ZSCAN20: variants seen among roughly 807,000 people sequenced by gnomAD.
The protein encoded by ZSCAN20 is zinc finger and SCAN domain-containing protein 20.
Under a neutral mutation model 97.1 loss-of-function variants are expected in ZSCAN20, and 39 were observed. The observed-to-expected ratio is 0.40, with a 90% CI of 0.31 to 0.52. ZSCAN20 has a LOEUF of 0.52. ZSCAN20 is among the 20% of genes least tolerant of loss of function. The pLI is 0.49. For missense variants in ZSCAN20, 1,115 were observed against 1,290.4 expected (o/e 0.86, Z 2.08); for synonymous variants, 456 against 467.3 (o/e 0.98, Z 0.31).
rs1317245783 is a variant in ZSCAN20 at position 33,491,767 on chromosome 1, C to T, written c.1444+65C>T. On this transcript the variant is annotated intron_variant, in intron 6 of 7. Transcript: ENST00000684572. This position sits in a 1 kb window ranked among gnomAD's most constrained non-coding sequence, Gnocchi z 4.3. Reference sequence around the variant, plus strand: ...CCTCCTACCAGCTAGACTGCTATTCCCTGAGGTCAGGGCACAGGCTGCAAG... The same window carrying T: ...CCTCCTACCAGCTAGACTGCTATTCTCTGAGGTCAGGGCACAGGCTGCAAG... 3 of 1,486,820 alleles carry T rather than the reference C, an allele frequency of 2.0e-6. No individual in the cohort carries two copies. In the South Asian group the frequency reaches 4.1e-5, roughly 20 times the overall value. The allele number at this position is 1,486,820 out of a possible 1,614,324, so 92.1% of individuals were successfully genotyped here.
intron 2 of ZSCAN20, among the ~76,000 whole-genome samples, chr1:33,481,896 G>T (rs761644629): frequency 2.6e-5 from 4 of 152,100 alleles, no homozygotes; most frequent in Non-Finnish European, 5.9e-5. Flanking sequence ...ATTTTTTAGA[G>T]CAATTTTAGG....
chr1:33,489,568 C>G lies in ZSCAN20; in HGVS notation c.732C>G (p.Pro244=). ...CTGAGAAGGAGCTCTGTAAAGACCC[C>G]CCAGGAGACGACTGTGGGAACAGCG... ...KHAEKELCKD[P]PGDDCGNSVC... The change falls in exon 5 of 8, where the codon CCC becomes CCG. Residue 244 remains proline (P), a synonymous_variant. Coordinates refer to ENST00000684572, the MANE Select transcript of ZSCAN20 (RefSeq NM_001377376.1). 3 of 1,614,102 alleles carry G rather than the reference C, an allele frequency of 1.9e-6. No individual in the cohort carries two copies. Among genetic ancestry groups the G allele is most frequent in the Non-Finnish European group, 2.5e-6 (3 of 1,180,002 alleles).
rs1021488669 is a variant in ZSCAN20 at position 33,492,207 on chromosome 1, A to G, written c.1444+505A>G. 3 of 152,666 alleles carry G rather than the reference A, an allele frequency of 2.0e-5. No homozygotes were observed. The East Asian group carries it at 5.8e-4, about 29-fold the overall frequency. 9.5% of individuals were successfully genotyped at this position (152,666 alleles called of 1,614,324 possible). Reference sequence around the variant, plus strand: ...TGTAAAGGTGCAAACATGGAAGTCCATGAGATGAGGCGTCTTATAGACGCA... The same window carrying G: ...TGTAAAGGTGCAAACATGGAAGTCCGTGAGATGAGGCGTCTTATAGACGCA... On this transcript the variant is annotated intron_variant, in intron 6 of 7. Transcript: ENST00000684572.
At position 33,491,211 on chromosome 1, in the gene ZSCAN20, A is replaced by T. The variant is rs376218300; in HGVS notation, c.953A>T (p.Asp318Val). The change falls in exon 6 of 8, where the codon GAC becomes GTC. Residue 318 changes from aspartate (D) to valine (V), a missense_variant. By Grantham distance (152) the Asp-to-Val change is radical. Coordinates refer to ENST00000684572, the MANE Select transcript of ZSCAN20 (RefSeq NM_001377376.1). The surrounding 1 kb of genome is among the most constrained non-coding windows in gnomAD (Gnocchi z 4.3). ...GAACAATACCAGTGGGATGTGGAGGACATGAAGGTGTCAGGTGTTCACTGG... is the reference window on the plus strand; with the variant it reads ...GAACAATACCAGTGGGATGTGGAGGTCATGAAGGTGTCAGGTGTTCACTGG... ...WEEQYQWDVEDMKVSGVHWGY... is the reference protein window; with the variant it reads ...WEEQYQWDVEVMKVSGVHWGY... The T allele has an allele frequency of 8.7e-6, 14 of 1,614,040 alleles. No homozygotes were observed. The highest frequency in any genetic ancestry group is 1.2e-5 in the Non-Finnish European group (14 of 1,180,038).
rs1282721704 is a variant in ZSCAN20 at position 33,488,450 on chromosome 1, A to T, written c.418-15A>T. On this transcript the variant is annotated splice_polypyrimidine_tract_variant and intron_variant, in intron 2 of 7. Coordinates refer to ENST00000684572, the MANE Select transcript of ZSCAN20 (RefSeq NM_001377376.1). ...ACTGAATTGTTGATTGGGAATTTTG[A>T]CTATTTGTGTGTAGGGACTGGAATT... 1.2e-6 allele frequency: 2 copies of T among 1,607,562 alleles called. No individual in the cohort carries two copies. The highest frequency in any genetic ancestry group is 8.5e-7 in the Non-Finnish European group (1 of 1,178,022).
intron 2 of ZSCAN20, among the ~76,000 whole-genome samples, chr1:33,487,764 T>G (rs1252742288): frequency 6.6e-6 from 1 of 152,176 alleles, no homozygotes; most frequent in East Asian, 1.9e-4. Context: ...TGCCTCAGCC[T>G]CTTGAGTAGC....
rs1652703525 is a variant in ZSCAN20, at chr1:33,493,427, A to G, written c.1685A>G (p.Tyr562Cys). The G allele has an allele frequency of 1.9e-6, 3 of 1,614,190 alleles. No homozygotes were observed. Among genetic ancestry groups the G allele is most frequent in the African/African-American group, 2.7e-5 (2 of 75,052 alleles). The change falls in exon 7 of 8, where the codon TAT becomes TGT. Residue 562 changes from tyrosine to cysteine, a missense_variant. By Grantham distance (194) the Tyr-to-Cys change is radical. Coordinates refer to ENST00000684572, the MANE Select transcript of ZSCAN20 (RefSeq NM_001377376.1). This position sits in a 1 kb window ranked among gnomAD's most constrained non-coding sequence, Gnocchi z 4.3. The stretch of plus-strand genomic sequence containing the variant: ...CACCCACCAGGGACATGCCCTTTCT[A>G]TGAGGAACTGGACTCGCTGATGAGG... ...SSHPPGTCPFYEELDSLMRAR... is the reference protein window; with the variant it reads ...SSHPPGTCPFCEELDSLMRAR...
chr1:33,489,364 T>C lies in ZSCAN20; in HGVS notation c.682-154T>C, dbSNP rs537087596. ...TGGGCCCCAAACATCCCCAAACACA[T>C]GTATGTACCAAATGGCCATCCTGCT... On this transcript the variant is annotated intron_variant, in intron 4 of 7. Coordinates refer to ENST00000684572, the MANE Select transcript of ZSCAN20 (RefSeq NM_001377376.1). 41 of 977,646 alleles carry C rather than the reference T, an allele frequency of 4.2e-5. No individual in the cohort carries two copies. In the African/African-American group the frequency reaches 6.1e-4, roughly 15 times the overall value. The allele number at this position is 977,646 out of a possible 1,614,324, so 60.6% of individuals were successfully genotyped here. A position where few individuals can be genotyped will look rare whatever the true frequency, so the allele number is the denominator to read the frequency against.
rs767524229 is a variant in ZSCAN20 at position 33,491,562 on chromosome 1, C to G, written c.1304C>G (p.Ala435Gly). The G allele has an allele frequency of 2.5e-6, 4 of 1,614,056 alleles. No individual in the cohort carries two copies. The South Asian group carries it at 4.4e-5, about 18-fold the overall frequency. Residue 435 changes from alanine to glycine, a missense_variant, in exon 6 of 8, where the codon GCA (alanine) becomes GGA (glycine). Physicochemically the swap from Ala to Gly is moderately conservative, Grantham distance 60. This residue lies in a region of ZSCAN20 where 508 missense variants were observed against 611.2 expected (regional missense o/e 0.83). Transcript: ENST00000684572. This position sits in a 1 kb window ranked among gnomAD's most constrained non-coding sequence, Gnocchi z 4.3. ...CTTCCCAGGCTCGGGTATAGTGACG[C>G]AGAGATGGATGAGCAGGAGGAAGGG... ...VALPRLGYSD[A>G]EMDEQEEGGW...
intron 2 of ZSCAN20, among the ~76,000 whole-genome samples, chr1:33,480,163 T>G (rs367999553): frequency 1.3e-5 from 2 of 152,338 alleles, no homozygotes; most frequent in East Asian, 1.9e-4. Context: ...ATAGCAGTAA[T>G]GTAGGTAGAC....
rs919349960 is a variant in ZSCAN20 at position 33,493,038 on chromosome 1, C to T, written c.1445-149C>T. 2.5e-6 allele frequency: 2 copies of T among 803,614 alleles called. No individual in the cohort carries two copies. The highest frequency in any genetic ancestry group is 1.7e-5 in the African/African-American group (1 of 57,928). 49.8% of individuals were successfully genotyped at this position (803,614 alleles called of 1,614,324 possible). A position where few individuals can be genotyped will look rare whatever the true frequency, so the allele number is the denominator to read the frequency against. On this transcript the variant is annotated intron_variant, in intron 6 of 7. Coordinates refer to ENST00000684572, the MANE Select transcript of ZSCAN20 (RefSeq NM_001377376.1). The surrounding 1 kb of genome is among the most constrained non-coding windows in gnomAD (Gnocchi z 4.3). ...TCTGGCTGGCTGTCCTAGCATGCCC[C>T]TGAGAAGCAAAGGGATATTCTCCAG...
Position 33,488,663 on chromosome 1 carries a change from T to C in ZSCAN20, c.604+12T>C, listed in dbSNP as rs1652467251. ...TTTGAAAGAGAGTGGTGAGTACATC[T>C]GAGAACATTAGGGAATGAGGCCTTC... On this transcript the variant is annotated intron_variant, in intron 3 of 7. Coordinates refer to ENST00000684572, the MANE Select transcript of ZSCAN20 (RefSeq NM_001377376.1). The C allele has an allele frequency of 6.2e-7, 1 of 1,604,918 alleles. No individual in the cohort carries two copies.
At chr1:33,484,927 G>C (rs1241962209) in intron 2 of ZSCAN20, among the ~76,000 whole-genome samples, 1 of 152,026 alleles carries the variant, frequency 6.6e-6, no homozygotes. Context: ...GCTGATTTTT[G>C]CATCTTTGTT....
intron 2 of ZSCAN20, among the ~76,000 whole-genome samples, chr1:33,483,128 A>G (rs1352342114): frequency 1.3e-5 from 2 of 152,166 alleles, no homozygotes; most frequent in Non-Finnish European, 2.9e-5. Context: ...GTATCTGAAA[A>G]GTCATTGCTA....
intron 2 of ZSCAN20, among the ~76,000 whole-genome samples, chr1:33,484,642 G>A (rs143669067): frequency 0.015 from 2,164 of 147,192 alleles, 29 homozygotes; most frequent in Middle Eastern, 0.035. Context: ...TTTTTAGCTG[G>A]AGTCTTGTTG....
At chr1:33,476,746 T>G (rs1415245551) in intron 1 of ZSCAN20, among the ~76,000 whole-genome samples, 2 of 152,250 alleles carry the variant, frequency 1.3e-5, no homozygotes, top group African/African-American at 2.4e-5. Flanking sequence ...AGGCGAATTC[T>G]TTAGGTTCAA....
rs1342563393 is a variant in ZSCAN20, at chr1:33,496,584, CAG to C, written c.*1109_*1110del. The stretch of plus-strand genomic sequence containing the variant: ...TGGGATGTAAGAGTTCTCTTTTTCT[CAG>C]GGGACAGTCCTACTTCTTGCCATGC... On this transcript the variant is annotated 3_prime_UTR_variant, in exon 8 of 8. Coordinates refer to ENST00000684572, the MANE Select transcript of ZSCAN20 (RefSeq NM_001377376.1). 1 of 152,146 alleles carries C rather than the reference CAG, an allele frequency of 6.6e-6. No homozygotes were observed. The highest frequency in any genetic ancestry group is 1.5e-5 in the Non-Finnish European group (1 of 68,030). 9.4% of individuals were successfully genotyped at this position (152,146 alleles called of 1,614,324 possible).
Position 33,489,465 on chromosome 1 carries a change from G to A in ZSCAN20, c.682-53G>A. 3 of 1,574,160 alleles carry A rather than the reference G, an allele frequency of 1.9e-6. No individual in the cohort carries two copies. The South Asian group carries it at 3.3e-5, about 17-fold the overall frequency. Reference sequence around the variant, plus strand: ...CCTGGGAGCCTGCTAGGGTTCCTAGGCTGTTGTCAAAGGTCAGTGATGTTT... The same window carrying A: ...CCTGGGAGCCTGCTAGGGTTCCTAGACTGTTGTCAAAGGTCAGTGATGTTT... On this transcript the variant is annotated intron_variant, in intron 4 of 7. Transcript: ENST00000684572.
At position 33,494,977 on chromosome 1, in the gene ZSCAN20, C is replaced by G; in HGVS notation, c.2633C>G (p.Ser878Cys). The G allele has an allele frequency of 6.2e-7, 1 of 1,614,122 alleles. No individual in the cohort carries two copies. Among genetic ancestry groups the G allele is most frequent in the South Asian group, 1.1e-5 (1 of 91,082 alleles). Residue 878 changes from serine (S) to cysteine (C), a missense_variant, in exon 8 of 8, where the codon TCT (serine) becomes TGT (cysteine). Ser to Cys is a moderately radical substitution (Grantham distance 112, BLOSUM62 -1). This residue lies in a region of ZSCAN20 where 554 missense variants were observed against 584.9 expected (regional missense o/e 0.95). Transcript: ENST00000684572. ...TNSGEKLYEC[S>C]ECGRSFSKSS... is the part of the protein sequence containing the mutation. The stretch of plus-strand genomic sequence containing the variant: ...TCAGGGGAGAAACTTTATGAGTGTT[C>G]TGAATGTGGAAGAAGCTTCTCTAAG...
Sources: gnomAD v4.1 joint callset for allele counts (sites outside exome capture counted in the v4.1 genomes callset) on GRCh38, gnomAD v4.1.1 for gene constraint, gnomAD v4.1.1 regional missense constraint, Gnocchi (gnomAD v3.1) non-coding constraint, MANE v1.5 for transcripts, NCBI Gene and HGNC (gene_info 2026-07-23, HGNC 2026-07-21) for gene names.